Variants in BMPR1B observed in about 807,000 individuals in gnomAD.
BMPR1B encodes the protein bone morphogenetic protein receptor type 1B.
BMPR1B carries 12 observed loss-of-function variants against 59.1 expected under a neutral mutation model. That is an observed-to-expected ratio of 0.20 (90% CI 0.13 to 0.33). BMPR1B has a LOEUF of 0.33. Ranked by LOEUF, BMPR1B falls within the 10% of genes least tolerant of loss-of-function variation. The pLI, the probability that BMPR1B is intolerant of heterozygous loss-of-function variation, is 1.00. For missense variants in BMPR1B, 550 were observed against 610.9 expected (o/e 0.90, Z 1.05); for synonymous variants, 237 against 207.3 (o/e 1.14, Z -1.23).
At chr4:94,933,317 C>T (rs576515202) in intron 2 of BMPR1B, among the ~76,000 whole-genome samples, 30 of 152,078 alleles carry the variant, frequency 2.0e-4, no homozygotes, top group African/African-American at 7.2e-4. Context: ...TATTGTTGTA[C>T]ATTTTCATTG....
chr4:95,034,525 CAAT>C (rs1301192232), intron 3 of BMPR1B, among the ~76,000 whole-genome samples: 1 of 151,936 alleles, frequency 6.6e-6, no homozygotes, highest in Non-Finnish European at 1.5e-5. Context: ...GTGGGAAATA[CAAT>C]GTTTGGTTGT....
At chr4:95,095,989 T>C (rs996938033) in intron 3 of BMPR1B, among the ~76,000 whole-genome samples, 1 of 151,630 alleles carries the variant, frequency 6.6e-6, no homozygotes, top group African/African-American at 2.4e-5. Context: ...TTTTGTAACA[T>C]TGTACTCTTG....
At chr4:95,068,680 T>C (rs964696623) in intron 3 of BMPR1B, among the ~76,000 whole-genome samples, 1 of 152,234 alleles carries the variant, frequency 6.6e-6, no homozygotes, top group Non-Finnish European at 1.5e-5. Context: ...ATACTTGGAC[T>C]TGTTTCCTTT....
At chr4:94,911,754 G>A (rs1047653446) in intron 2 of BMPR1B, among the ~76,000 whole-genome samples, 2 of 152,066 alleles carry the variant, frequency 1.3e-5, no homozygotes, top group Non-Finnish European at 2.9e-5. Context: ...GTACATCTAA[G>A]GTATATAAAG....
chr4:94,841,723 G>A (rs1011073073), intron 1 of BMPR1B, among the ~76,000 whole-genome samples: 1 of 152,260 alleles, frequency 6.6e-6, no homozygotes, highest in Non-Finnish European at 1.5e-5. Flanking sequence ...CGTCTTCTGC[G>A]TTGCTCACGC....
At chr4:94,758,099 T>A (rs1021069110) in intron 1 of BMPR1B, 31 bp downstream of exon 1, 1 of 148,254 alleles carries the variant, frequency 6.7e-6, no homozygotes, top group East Asian at 2.0e-4. Context: ...CCCCGTCCCC[T>A]GCGGGTGGCC....
intron 1 of BMPR1B, among the ~76,000 whole-genome samples, chr4:94,808,122 G>A (rs1723681157): frequency 6.6e-6 from 1 of 152,060 alleles, no homozygotes. Context: ...AGCTTAAATG[G>A]ATACCAGATT....
intron 2 of BMPR1B, among the ~76,000 whole-genome samples, chr4:94,990,205 A>T (rs1721647427): frequency 6.6e-6 from 1 of 152,038 alleles, no homozygotes; most frequent in South Asian, 2.1e-4. Flanking sequence ...AAAATGTGAA[A>T]ATTAGCCAGG....
chr4:95,122,308 C>G (rs1732588589), intron 6 of BMPR1B, among the ~76,000 whole-genome samples: 2 of 151,534 alleles, frequency 1.3e-5, no homozygotes, highest in African/African-American at 4.9e-5. Context: ...TGCACTCCAG[C>G]CTCGGCCACA....
At chr4:94,841,685 T>TA (rs1285813565) in intron 1 of BMPR1B, among the ~76,000 whole-genome samples, 3 of 151,730 alleles carry the variant, frequency 2.0e-5, no homozygotes, top group Admixed American at 6.6e-5. Flanking sequence ...ATGAACCCGG[T>TA]ACCTCAGATG....
chr4:95,144,363 CGG>C (rs926537856), intron 10 of BMPR1B, among the ~76,000 whole-genome samples: 7 of 151,820 alleles, frequency 4.6e-5, no homozygotes, highest in African/African-American at 1.7e-4. Context: ...TTAGTAGAGA[CGG>C]GGTTTTACCA....
At chr4:94,790,702 C>A (rs1171116596) in intron 1 of BMPR1B, among the ~76,000 whole-genome samples, 1 of 152,152 alleles carries the variant, frequency 6.6e-6, no homozygotes, top group East Asian at 1.9e-4. Context: ...GAAAGAATTT[C>A]TCTTTTATCT....
At chr4:95,096,425 A>T (rs542988823) in intron 3 of BMPR1B, among the ~76,000 whole-genome samples, 3 of 151,472 alleles carry the variant, frequency 2.0e-5, no homozygotes, top group Non-Finnish European at 3.0e-5. Context: ...ATGAAATTTG[A>T]TTGATTTGCC....
intron 1 of BMPR1B, among the ~76,000 whole-genome samples, chr4:94,797,974 G>A (rs916121202): frequency 3.9e-5 from 6 of 152,064 alleles, no homozygotes; most frequent in African/African-American, 1.2e-4. Context: ...AATAGCTTAC[G>A]GCATATAATG....
At chr4:95,049,232 G>A (rs1157775640) in intron 3 of BMPR1B, among the ~76,000 whole-genome samples, 1 of 151,760 alleles carries the variant, frequency 6.6e-6, no homozygotes, top group Non-Finnish European at 1.5e-5. Flanking sequence ...TCCTATCTTA[G>A]CTTCCCCAAT....
At position 94,816,287 on chromosome 4, in the gene BMPR1B, C is replaced by T. The variant is rs150158911; in HGVS notation, c.-183+58219C>T. 3.9e-5 allele frequency among the ~76,000 whole-genome samples: 6 copies of T among 152,270 alleles called. No individual in the cohort carries two copies. In the East Asian group the frequency reaches 9.7e-4, roughly 25 times the overall value. ...TCAGCCTCCCGAGTACCTGGGACTG[C>T]AGGTGCACGCCACCAGGCCCGGCTA... On this transcript the variant is annotated intron_variant, in intron 1 of 12. Transcript: ENST00000515059.
chr4:95,043,742 G>A lies in BMPR1B; in HGVS notation c.-18+47608G>A, dbSNP rs139494704. 6.1e-3 allele frequency among the ~76,000 whole-genome samples: 933 copies of A among 152,222 alleles called. 11 individuals are homozygous for A. The highest frequency in any genetic ancestry group is 0.02 in the South Asian group (97 of 4,824). On this transcript the variant is annotated intron_variant, in intron 3 of 12. Coordinates refer to ENST00000515059, the MANE Select transcript of BMPR1B (RefSeq NM_001203.3). The stretch of plus-strand genomic sequence containing the variant: ...AATATTTTAAGAGAACACAGTTTGG[G>A]GCTTATTTTTTCTTTTTCGAAAGCT...
Position 94,840,606 on chromosome 4 carries a change from A to G in BMPR1B, c.-182-35225A>G, listed in dbSNP as rs942975628. On this transcript the variant is annotated intron_variant, in intron 1 of 12. Coordinates refer to ENST00000515059, the MANE Select transcript of BMPR1B (RefSeq NM_001203.3). The stretch of plus-strand genomic sequence containing the variant: ...ACGTAGTTCTCGAGCCTTGGTTTTC[A>G]GCTCCATCAGCTCCTTTAAGCACTT... Among the ~76,000 whole-genome samples, 54 of 145,176 alleles carry G rather than the reference A, an allele frequency of 3.7e-4. 2 individuals carry two copies. The highest frequency in any genetic ancestry group is 1.3e-3 in the African/African-American group (50 of 38,986).
At chr4:94,799,478 T>G (rs1301827300) in intron 1 of BMPR1B, among the ~76,000 whole-genome samples, 1 of 151,414 alleles carries the variant, frequency 6.6e-6, no homozygotes, top group Non-Finnish European at 1.5e-5. Flanking sequence ...TAAGTTTTTG[T>G]ATTTTAGTAG....
Sources: allele counts gnomAD v4.1 joint callset (sites outside exome capture counted in the v4.1 genomes callset), GRCh38; gene constraint gnomAD v4.1.1; transcripts MANE v1.5; gene names NCBI Gene and HGNC (gene_info 2026-07-23, HGNC 2026-07-21).